Variants in GSG1L2 observed in about 807,000 individuals in gnomAD.
GSG1L2 encodes the protein germ cell-specific gene 1-like protein 2.
Under a neutral mutation model 9.0 loss-of-function variants are expected in GSG1L2, and 15 were observed. The observed-to-expected ratio is 1.67, with a 90% CI of 1.12 to 2.57. The LOEUF (loss-of-function observed/expected upper bound fraction) is 2.57. Ranked by LOEUF, GSG1L2 falls within the 30% of genes most tolerant of loss-of-function variation. GSG1L2 has a pLI of 0.00. For missense variants in GSG1L2, 286 were observed against 150.3 expected (o/e 1.90, Z -4.72); for synonymous variants, 127 against 57.9 (o/e 2.19, Z -5.41).
At chr17:9,814,151 A>G (rs1053010725) in intron 1 of GSG1L2, among the ~76,000 whole-genome samples, 16 of 152,098 alleles carry the variant, frequency 1.1e-4, no homozygotes, top group Non-Finnish European at 2.2e-4. Context: ...GGCCAGGCTG[A>G]TCTCAAACTC....
chr17:9,813,676 G>A (rs1315371488), intron 1 of GSG1L2, among the ~76,000 whole-genome samples: 6 of 152,196 alleles, frequency 3.9e-5, no homozygotes, highest in African/African-American at 1.2e-4. Context: ...CTGATGCAGA[G>A]CCTTCTCTCA....
At chr17:9,814,450 T>C (rs992734814) in intron 1 of GSG1L2, among the ~76,000 whole-genome samples, 3 of 152,078 alleles carry the variant, frequency 2.0e-5, no homozygotes, top group Non-Finnish European at 4.4e-5. Flanking sequence ...TAAAGAGAAC[T>C]GCCTTTCCCA....
chr17:9,807,552 G>C lies in GSG1L2; in HGVS notation c.561C>G (p.Ile187Met). The C allele has an allele frequency of 1.4e-6, 1 of 703,204 alleles. No individual in the cohort carries two copies. The highest frequency in any genetic ancestry group is 2.6e-6 in the Non-Finnish European group (1 of 385,024). 43.6% of individuals were successfully genotyped at this position (703,204 alleles called of 1,614,324 possible). A position where few individuals can be genotyped will look rare whatever the true frequency, so the allele number is the denominator to read the frequency against. Residue 187 changes from isoleucine (I) to methionine (M), a missense_variant, in exon 4 of 5, where the codon ATC (isoleucine) becomes ATG (methionine). Ile to Met is a conservative substitution (Grantham distance 10). Coordinates refer to ENST00000399363, the MANE Select transcript of GSG1L2 (RefSeq NM_001310219.2). ...AHMMYTTIFQ[I>M]TVNLGPEDWK... ...AATCTTCTGGTCCAAGGTTCACAGT[G>C]ATTTGAAAAATGGTTGTGTACATCA...
chr17:9,816,501 T>TGC (rs1480645615), intron 1 of GSG1L2, among the ~76,000 whole-genome samples: 1 of 148,230 alleles, frequency 6.7e-6, no homozygotes. Context: ...TGTCTGTGTG[T>TGC]GCCTGTCTGT....
chr17:9,813,401 G>A (rs1051381273), intron 1 of GSG1L2, among the ~76,000 whole-genome samples: 2 of 152,190 alleles, frequency 1.3e-5, no homozygotes, highest in Non-Finnish European at 2.9e-5. Context: ...CAGAGGGCCC[G>A]AAGGAGAATA....
Position 9,801,372 on chromosome 17 carries a change from T to C in GSG1L2, c.*1014A>G, listed in dbSNP as rs2066496133. On this transcript the variant is annotated 3_prime_UTR_variant, in exon 5 of 5. Transcript: ENST00000399363. ...ACAGACATGTGCCACCATGCTTGGC[T>C]ATTTTTGATGTTTTTTTTTTTTTAG... Among the ~76,000 whole-genome samples the C allele has an allele frequency of 1.3e-5, 2 of 151,772 alleles. No individual in the cohort carries two copies. Among genetic ancestry groups the C allele is most frequent in the South Asian group, 4.2e-4 (2 of 4,804 alleles).
In GSG1L2 at chr17:9,801,630, C is replaced by T. The variant is rs184625451; in HGVS notation, c.*756G>A. ...ATTGCAGATGACTGTATTAGGAATCCTGCAGCCCACCACTGCCTCCAACAA... is the reference window on the plus strand; with the variant it reads ...ATTGCAGATGACTGTATTAGGAATCTTGCAGCCCACCACTGCCTCCAACAA... On this transcript the variant is annotated 3_prime_UTR_variant, in exon 5 of 5. Transcript: ENST00000399363. Among the ~76,000 whole-genome samples, 11 of 152,308 alleles carry T rather than the reference C, an allele frequency of 7.2e-5. No individual in the cohort carries two copies. In the East Asian group the frequency reaches 2.1e-3, roughly 29 times the overall value.
intron 4 of GSG1L2, chr17:9,803,947 A>G (rs770504896): frequency 4.6e-5 from 7 of 152,354 alleles, no homozygotes; most frequent in Non-Finnish European, 8.8e-5. Flanking sequence ...CCAAGGACAC[A>G]TGTCAAGGTT....
intron 1 of GSG1L2, among the ~76,000 whole-genome samples, chr17:9,814,889 C>G (rs992782913): frequency 4.6e-5 from 7 of 152,164 alleles, no homozygotes; most frequent in Non-Finnish European, 4.4e-5. Context: ...TTTAGCAGAA[C>G]AGCATAGAAT....
intron 2 of GSG1L2, chr17:9,809,340 T>G (rs1242013737): frequency 6.1e-6 from 2 of 326,244 alleles, no homozygotes; most frequent in African/African-American, 4.3e-5. Context: ...CTGGCTGACT[T>G]CAAGAACGAA....
At chr17:9,815,316 G>A (rs1323300886) in intron 1 of GSG1L2, among the ~76,000 whole-genome samples, 1 of 152,192 alleles carries the variant, frequency 6.6e-6, no homozygotes, top group Admixed American at 6.5e-5. Context: ...CTTGAACCCC[G>A]GAGGCAGGGG....
intron 1 of GSG1L2, chr17:9,810,972 G>A: frequency 6.4e-6 from 2 of 312,406 alleles, no homozygotes; most frequent in South Asian, 1.0e-4. Context: ...TAGCTACAAT[G>A]AGGACAGACC....
chr17:9,814,060 A>C (rs9895270), intron 1 of GSG1L2, among the ~76,000 whole-genome samples: 3 of 151,190 alleles, frequency 2.0e-5, no homozygotes, highest in Admixed American at 2.0e-4. Flanking sequence ...TCAGCCTCCC[A>C]AGTAGCTGGG....
chr17:9,808,062 A>T, intron 3 of GSG1L2, among the ~76,000 whole-genome samples: 1 of 152,168 alleles, frequency 6.6e-6, no homozygotes, highest in South Asian at 2.1e-4. Context: ...AGTAAAATAA[A>T]ATAATTAAAA....
At chr17:9,813,707 A>G (rs996297204) in intron 1 of GSG1L2, among the ~76,000 whole-genome samples, 9 of 152,010 alleles carry the variant, frequency 5.9e-5, no homozygotes, top group African/African-American at 2.2e-4. Context: ...TCCGATCCCA[A>G]CCATACCCTG....
At chr17:9,812,581 T>C (rs1449765830) in intron 1 of GSG1L2, among the ~76,000 whole-genome samples, 3 of 152,036 alleles carry the variant, frequency 2.0e-5, no homozygotes, top group African/African-American at 4.8e-5. Flanking sequence ...GCCTGCATGG[T>C]GGGGTTCTGG....
chr17:9,810,467 A>T, intron 2 of GSG1L2, 104 bp downstream of exon 2: 1 of 666,768 alleles, frequency 1.5e-6, no homozygotes, highest in South Asian at 1.7e-5. Context: ...TCATGGAAAA[A>T]TCATCAATGA....
At position 9,820,598 on chromosome 17, in the gene GSG1L2, C is replaced by T. The variant is rs921292276; in HGVS notation, c.310+1164G>A. 2.0e-5 allele frequency among the ~76,000 whole-genome samples: 3 copies of T among 152,048 alleles called. No homozygotes were observed. Among genetic ancestry groups the T allele is most frequent in the Non-Finnish European group, 4.4e-5 (3 of 68,026 alleles). ...AGGTTCAGTCAGGCTGGGTACTGCC[C>T]CACATTGGCCACCACTGGGAGAGAG... On this transcript the variant is annotated intron_variant, in intron 1 of 4. Coordinates refer to ENST00000399363, the MANE Select transcript of GSG1L2 (RefSeq NM_001310219.2). This position sits in a 1 kb window ranked among gnomAD's most constrained non-coding sequence, Gnocchi z 4.9.
chr17:9,819,760 G>A (rs1166024072), intron 1 of GSG1L2, among the ~76,000 whole-genome samples: 1 of 151,978 alleles, frequency 6.6e-6, no homozygotes, highest in African/African-American at 2.4e-5. Context: ...AGCCTCCCTA[G>A]TAGCTGGGAT....
Sources: gnomAD v4.1 joint callset for allele counts (sites outside exome capture counted in the v4.1 genomes callset) on GRCh38, gnomAD v4.1.1 for gene constraint, Gnocchi (gnomAD v3.1) non-coding constraint, MANE v1.5 for transcripts, NCBI Gene and HGNC (gene_info 2026-07-23, HGNC 2026-07-21) for gene names.